CFDP1: variants seen among roughly 807,000 people sequenced by gnomAD.
The protein encoded by CFDP1 is heterochromatin-stabilizing protein CFDP1.
Under a neutral mutation model 40.1 loss-of-function variants are expected in CFDP1, and 31 were observed. The observed-to-expected ratio is 0.77, with a 90% CI of 0.58 to 1.04. The LOEUF (loss-of-function observed/expected upper bound fraction) is 1.04, where lower values mean the gene tolerates loss of function less well. Ranked by LOEUF, CFDP1 falls within the 50% of genes least tolerant of loss-of-function variation. The probability of loss-of-function intolerance (pLI) is 0.00; values close to 1 mark genes in which losing one functional copy is unlikely to be tolerated. For synonymous variants in CFDP1, 167 were observed against 120.0 expected (o/e 1.39, Z -2.56); for missense variants, 423 against 343.4 (o/e 1.23, Z -1.83).
At chr16:75,335,044 T>A (rs1674652850) in intron 5 of CFDP1, among the ~76,000 whole-genome samples, 2 of 152,066 alleles carry the variant, frequency 1.3e-5, no homozygotes, top group South Asian at 4.1e-4. Flanking sequence ...TAAGGGCATG[T>A]GTGTGGAAGC....
rs764611497 is a variant in CFDP1, at chr16:75,396,772, GAAA to G, written c.531-1566_531-1564del. On this transcript the variant is annotated intron_variant, in intron 4 of 6. Transcript: ENST00000283882. Reference sequence around the variant, plus strand: ...GTACCTGAGAATTCAGATAAAGAGAGAAAGAGAAATGTTTAATCCCTGCCCAGG... The same window carrying G: ...GTACCTGAGAATTCAGATAAAGAGAGGAGAAATGTTTAATCCCTGCCCAGG... 8.5e-4 allele frequency among the ~76,000 whole-genome samples: 126 copies of G among 147,458 alleles called. 2 individuals are homozygous for G. The highest frequency in any genetic ancestry group is 2.5e-3 in the South Asian group (11 of 4,406).
chr16:75,294,881 C>G (rs1449086712), intron 6 of CFDP1, among the ~76,000 whole-genome samples: 2 of 152,176 alleles, frequency 1.3e-5, no homozygotes, highest in African/African-American at 4.8e-5. Context: ...GCAGCAAGGG[C>G]TGAAGCACAG....
chr16:75,367,047 C>T (rs1001092396), intron 5 of CFDP1, among the ~76,000 whole-genome samples: 1 of 151,192 alleles, frequency 6.6e-6, no homozygotes, highest in African/African-American at 2.4e-5. Context: ...ACCTGTAATC[C>T]CAGCTACCTG....
chr16:75,361,638 A>C (rs1318673282), intron 5 of CFDP1, among the ~76,000 whole-genome samples: 3 of 152,042 alleles, frequency 2.0e-5, no homozygotes, highest in Non-Finnish European at 4.4e-5. Flanking sequence ...CAAAACCAAA[A>C]AGACACACAA....
chr16:75,387,411 G>A (rs1237705654), intron 5 of CFDP1, among the ~76,000 whole-genome samples: 1 of 152,156 alleles, frequency 6.6e-6, no homozygotes, highest in Admixed American at 6.5e-5. Flanking sequence ...AAAGTGCTGG[G>A]ATTACAGGCG....
chr16:75,305,727 G>T (rs1477505466), intron 5 of CFDP1, among the ~76,000 whole-genome samples: 4 of 152,184 alleles, frequency 2.6e-5, no homozygotes, highest in Non-Finnish European at 5.9e-5. Context: ...GCCCCAGGGG[G>T]TTCTTTTAAG....
chr16:75,297,644 G>A (rs2078193521), intron 6 of CFDP1, among the ~76,000 whole-genome samples: 1 of 152,190 alleles, frequency 6.6e-6, no homozygotes, highest in Non-Finnish European at 1.5e-5. Flanking sequence ...CCTAGTGGTG[G>A]GGGATGCATC....
chr16:75,342,550 A>G (rs1445518864), intron 5 of CFDP1, among the ~76,000 whole-genome samples: 1 of 152,196 alleles, frequency 6.6e-6, no homozygotes, highest in Non-Finnish European at 1.5e-5. Context: ...TCCCACCCCT[A>G]ATGGTAGCCA....
At chr16:75,360,976 G>C (rs2078676248) in intron 5 of CFDP1, among the ~76,000 whole-genome samples, 1 of 151,918 alleles carries the variant, frequency 6.6e-6, no homozygotes, top group South Asian at 2.1e-4. Flanking sequence ...TACATTTTTG[G>C]CTATTCTTTC....
rs201858976 is a variant in CFDP1, at chr16:75,369,390, AC to A, written c.650+25699del. Among the ~76,000 whole-genome samples the A allele has an allele frequency of 2.9e-4, 44 of 150,834 alleles. 2 individuals are homozygous for A. The highest frequency in any genetic ancestry group is 4.0e-4 in the Admixed American group (6 of 15,092). On this transcript the variant is annotated intron_variant, in intron 5 of 6. Coordinates refer to ENST00000283882, the MANE Select transcript of CFDP1 (RefSeq NM_006324.3). The stretch of plus-strand genomic sequence containing the variant: ...ATAGCAAAAGTTCGCTTCAAAAAAA[AC>A]AAAAACAAAACAACCCACAAAAAAA...
chr16:75,334,948 C>G (rs1416884202), intron 5 of CFDP1, among the ~76,000 whole-genome samples: 2 of 147,424 alleles, frequency 1.4e-5, no homozygotes, highest in African/African-American at 2.6e-5. Context: ...AAGCGAGACA[C>G]TCTGCCTCAA....
At chr16:75,381,496 G>C (rs190686029) in intron 5 of CFDP1, among the ~76,000 whole-genome samples, 4 of 152,160 alleles carry the variant, frequency 2.6e-5, no homozygotes. Flanking sequence ...AAAAACTAAA[G>C]GTGACACTGA....
At chr16:75,411,015 T>TC (rs894130310) in intron 4 of CFDP1, among the ~76,000 whole-genome samples, 1 of 151,248 alleles carries the variant, frequency 6.6e-6, no homozygotes, top group Admixed American at 6.6e-5. Context: ...GGTCAGGAGT[T>TC]CAAGACCAGC....
chr16:75,414,579 T>C lies in CFDP1; in HGVS notation c.181A>G (p.Arg61Gly), dbSNP rs2079188291. ...KKRKAQSIPA[R>G]KRRQGGLSLE... ...TAAGGGCCTTGAAGGCAGCATCACC[T>C]GGCTGGAATGCTCTGGGCCTTTCTT... The change falls in exon 2 of 7, where the codon AGG becomes GGG. Residue 61 changes from arginine (R) to glycine (G), a missense_variant and splice_region_variant. By Grantham distance (125) the Arg-to-Gly change is moderately radical. Coordinates refer to ENST00000283882, the MANE Select transcript of CFDP1 (RefSeq NM_006324.3). The C allele has an allele frequency of 1.3e-6, 2 of 1,599,542 alleles. No individual in the cohort carries two copies. Among genetic ancestry groups the C allele is most frequent in the Middle Eastern group, 1.7e-4 (1 of 6,034 alleles).
intron 5 of CFDP1, among the ~76,000 whole-genome samples, chr16:75,371,579 T>G (rs1415197472): frequency 1.3e-5 from 2 of 152,236 alleles, no homozygotes; most frequent in East Asian, 3.8e-4. Flanking sequence ...ATTCAGGCTC[T>G]TTTCTAAAAA....
In CFDP1 at chr16:75,421,997, T is replaced by C. The variant is rs139765530; in HGVS notation, c.65-7302A>G. 2.7e-3 allele frequency among the ~76,000 whole-genome samples: 417 copies of C among 152,370 alleles called. 11 individuals carry two copies. Among genetic ancestry groups the C allele is most frequent in the Non-Finnish European group, 1.1e-3 (74 of 68,038 alleles). ...CCCAATATAAGTGCTATATGAATAG[T>C]TGTTATACTGTATTGTTTAGGAAAT... On this transcript the variant is annotated intron_variant, in intron 1 of 6. Coordinates refer to ENST00000283882, the MANE Select transcript of CFDP1 (RefSeq NM_006324.3).
intron 5 of CFDP1, among the ~76,000 whole-genome samples, chr16:75,386,125 TTAAAG>T (rs1231394697): frequency 6.6e-6 from 1 of 152,132 alleles, no homozygotes; most frequent in East Asian, 1.9e-4. Context: ...ATCCCGGAAC[TTAAAG>T]TAAAATTAAA....
chr16:75,363,577 G>A (rs955662016), intron 5 of CFDP1, among the ~76,000 whole-genome samples: 13 of 151,954 alleles, frequency 8.6e-5, no homozygotes, highest in African/African-American at 3.1e-4. Context: ...TGTATTTTTA[G>A]TAGAGTCAGG....
chr16:75,380,747 C>T (rs1444172431), intron 5 of CFDP1, among the ~76,000 whole-genome samples: 2 of 152,102 alleles, frequency 1.3e-5, no homozygotes, highest in East Asian at 1.9e-4. Flanking sequence ...GCACTCCAAA[C>T]CAAAGAATTA....
Sources: gnomAD v4.1 joint callset for allele counts (sites outside exome capture counted in the v4.1 genomes callset) on GRCh38, gnomAD v4.1.1 for gene constraint, MANE v1.5 for transcripts, NCBI Gene and HGNC (gene_info 2026-07-23, HGNC 2026-07-21) for gene names.